Variants in TJAP1 observed in about 807,000 individuals in gnomAD.
TJAP1 encodes tight junction-associated protein 1.
In TJAP1, 27 loss-of-function variants were observed where a neutral mutation model predicts 42.0. The observed-to-expected ratio is 0.64, with a 90% CI of 0.47 to 0.89. TJAP1 has a LOEUF of 0.89. Among genes scored for constraint, TJAP1 ranks in the 40% least tolerant of loss-of-function variants. TJAP1 has a pLI of 0.00. For synonymous variants in TJAP1, 257 were observed against 288.4 expected (o/e 0.89, Z 1.10); for missense variants, 712 against 726.9 (o/e 0.98, Z 0.24).
intron 10 of TJAP1, 107 bp from the exon 11 acceptor site, chr6:43,504,654 C>A: frequency 7.3e-7 from 1 of 1,372,142 alleles, no homozygotes; most frequent in Non-Finnish European, 1.0e-6. Flanking sequence ...TAGCAGAGTG[C>A]TGAGTACACA....
intron 2 of TJAP1, 147 bp downstream of exon 2, chr6:43,478,379 GT>G (rs1157709004): frequency 6.6e-6 from 1 of 152,298 alleles, no homozygotes; most frequent in Non-Finnish European, 1.5e-5. Flanking sequence ...TTAAGTTAGT[GT>G]TTGGCGTAGA....
intron 2 of TJAP1, among the ~76,000 whole-genome samples, chr6:43,493,686 C>T (rs113532060): frequency 2.0e-5 from 3 of 152,232 alleles, no homozygotes; most frequent in South Asian, 4.2e-4. Context: ...GGAAGTGGGA[C>T]GGCATCTTTG....
At chr6:43,500,569 G>A (rs1343460653) in intron 4 of TJAP1, 175 bp from the exon 5 acceptor site, 1 of 637,512 alleles carries the variant, frequency 1.6e-6, no homozygotes, top group Non-Finnish European at 2.8e-6. Flanking sequence ...GAGGGTAGTC[G>A]AGGCTTGTCC....
intron 2 of TJAP1, among the ~76,000 whole-genome samples, chr6:43,488,876 G>A (rs1249794961): frequency 6.6e-6 from 1 of 152,202 alleles, no homozygotes; most frequent in African/African-American, 2.4e-5. Context: ...CCAGTGTGTA[G>A]GCAATTATTG....
chr6:43,490,688 T>C (rs182992722), intron 2 of TJAP1, among the ~76,000 whole-genome samples: 2 of 152,326 alleles, frequency 1.3e-5, no homozygotes, highest in African/African-American at 2.4e-5. Context: ...TCACTCCCAT[T>C]GGTGACCGTT....
intron 2 of TJAP1, among the ~76,000 whole-genome samples, chr6:43,487,660 A>G (rs1041435381): frequency 5.3e-5 from 8 of 151,994 alleles, no homozygotes; most frequent in South Asian, 2.1e-4. Flanking sequence ...GATAAAGCAC[A>G]GTGTAGATGC....
In TJAP1 at chr6:43,506,027, C is replaced by T. The variant is rs546208567; in HGVS notation, c.*172C>T. 1.7e-5 allele frequency: 9 copies of T among 532,388 alleles called. No homozygotes were observed. In the South Asian group the frequency reaches 3.1e-4, roughly 18 times the overall value. The allele number at this position is 532,388 out of a possible 1,614,324, so 33.0% of individuals were successfully genotyped here. ...TGGGCCATGCCAGGCCTGTCAGCTG[C>T]GTTGACTGACTGCAGCAGCTTGCCT... On this transcript the variant is annotated 3_prime_UTR_variant, in exon 11 of 11. Transcript: ENST00000372449.
At chr6:43,499,029 C>T (rs376350781) in exon 4 of TJAP1, 45 of 1,614,012 alleles carry the variant, frequency 2.8e-5, no homozygotes, top group Non-Finnish European at 3.6e-5. Context: ...TGCTAAGAAA[C>T]CCTACCGTAA....
At chr6:43,500,911 G>C in intron 5 of TJAP1, 139 bp downstream of exon 5, 1 of 934,276 alleles carries the variant, frequency 1.1e-6, no homozygotes, top group Non-Finnish European at 1.7e-6. Flanking sequence ...GGGACTCTGG[G>C]AGGAGTGTTG....
At chr6:43,502,193 C>G in intron 6 of TJAP1, 90 bp from the exon 7 acceptor site, 1 of 1,322,916 alleles carries the variant, frequency 7.6e-7, no homozygotes, top group Non-Finnish European at 1.1e-6. Flanking sequence ...GGGAGAATGA[C>G]ATGTTCAAGA....
intron 2 of TJAP1, among the ~76,000 whole-genome samples, chr6:43,490,701 T>C (rs1787616900): frequency 6.6e-6 from 1 of 152,138 alleles, no homozygotes. Flanking sequence ...TGACCGTTGC[T>C]CTGGGAGGTG....
At chr6:43,499,059 G>A in exon 4 of TJAP1, 1 of 1,614,112 alleles carries the variant, frequency 6.2e-7, no homozygotes, top group Non-Finnish European at 8.5e-7. Context: ...AGAGCATCGG[G>A]AGCTGCGTTT....
chr6:43,505,403 G>A lies in TJAP1; in HGVS notation c.1222G>A (p.Glu408Lys). The A allele has an allele frequency of 1.9e-6, 3 of 1,612,128 alleles. No homozygotes were observed. Among genetic ancestry groups the A allele is most frequent in the Non-Finnish European group, 2.5e-6 (3 of 1,179,974 alleles). ...CCCAGCTAGCTCTGCCAGCTCTGAA[G>A]AGGACCTGCTGGTCAGCTGGCAGCG... Residue 408 changes from glutamate (E) to lysine (K), a missense_variant, in exon 11 of 11, where the codon GAG becomes AAG. By Grantham distance (56) the Glu-to-Lys change is moderately conservative. Coordinates refer to ENST00000372449, the Ensembl canonical transcript of TJAP1. The surrounding 1 kb of genome is among the most constrained non-coding windows in gnomAD (Gnocchi z 5.5).
chr6:43,481,100 TC>T (rs758206406), intron 2 of TJAP1, among the ~76,000 whole-genome samples: 6 of 152,180 alleles, frequency 3.9e-5, no homozygotes, highest in Non-Finnish European at 5.9e-5. Context: ...TAAATGTATA[TC>T]CATATTGTAG....
At chr6:43,504,577 C>T (rs989445220) in intron 10 of TJAP1, 184 bp from the exon 11 acceptor site, 3 of 768,694 alleles carry the variant, frequency 3.9e-6, no homozygotes, top group African/African-American at 1.7e-5. Flanking sequence ...GAGTTGTCTT[C>T]CCCTCTCCAG....
chr6:43,488,900 T>A (rs1787168527), intron 2 of TJAP1, among the ~76,000 whole-genome samples: 2 of 152,222 alleles, frequency 1.3e-5, no homozygotes, highest in Admixed American at 6.5e-5. Flanking sequence ...GTGTTTCCTG[T>A]CTGCGTGAAT....
At chr6:43,484,774 G>A (rs1786080459) in intron 2 of TJAP1, among the ~76,000 whole-genome samples, 1 of 152,208 alleles carries the variant, frequency 6.6e-6, no homozygotes. Context: ...CATCCAGGCT[G>A]GAGTGCAGTG....
In TJAP1 at chr6:43,492,678, T is replaced by G. The variant is rs756173752; in HGVS notation, c.-121-5203T>G. Among the ~76,000 whole-genome samples the G allele has an allele frequency of 4.6e-5, 7 of 152,118 alleles. No individual in the cohort carries two copies. Among genetic ancestry groups the G allele is most frequent in the Non-Finnish European group, 8.8e-5 (6 of 68,018 alleles). ...CATGGGGAGTCAGTGGGAGAGGGGC[T>G]GTATTAATGGTGCAAGGAGTGGGGA... On this transcript the variant is annotated intron_variant, in intron 2 of 10. Transcript: ENST00000372449. This position sits in a 1 kb window ranked among gnomAD's most constrained non-coding sequence, Gnocchi z 4.2.
At chr6:43,501,791 GTCTC>G (rs200597423) in intron 6 of TJAP1, 104 bp downstream of exon 6, 20,415 of 601,428 alleles carry the variant, frequency 0.034, 615 homozygotes, top group African/African-American at 0.12. Flanking sequence ...CTGTGTCTCT[GTCTC>G]TCTCCTTTCA....
Sources: allele counts gnomAD v4.1 joint callset (sites outside exome capture counted in the v4.1 genomes callset), GRCh38; gene constraint gnomAD v4.1.1; non-coding constraint Gnocchi (gnomAD v3.1); transcripts MANE v1.5; gene names NCBI Gene and HGNC (gene_info 2026-07-23, HGNC 2026-07-21).